OSBPL7: variants seen among roughly 807,000 people sequenced by gnomAD.
The protein encoded by OSBPL7 is oxysterol binding protein like 7.
A neutral mutation model predicts 115.8 loss-of-function variants in OSBPL7; 66 were observed. The observed-to-expected ratio is 0.57, with a 90% CI of 0.47 to 0.70. The LOEUF (loss-of-function observed/expected upper bound fraction) is 0.70, where lower values mean the gene tolerates loss of function less well. Among genes scored for constraint, OSBPL7 ranks in the 30% least tolerant of loss-of-function variants. The pLI, the probability that OSBPL7 is intolerant of heterozygous loss-of-function variation, is 0.00. For missense variants in OSBPL7, 902 were observed against 1,125.5 expected, an observed-to-expected ratio of 0.80 and a Z score of 2.84; for synonymous variants, 441 against 439.2, an observed-to-expected ratio of 1.00 and a Z score of -0.05.
chr17:47,809,418 A>G lies in OSBPL7; in HGVS notation c.1941T>C (p.Gly647=). ...CCCCATAGTGCTCGATCCAGCGCTG[A>G]CCACTCAGGACATTGTGAATGCAGG... ...VTSCIHNVLS[G]QRWIEHYGEV... The change falls in exon 19 of 23, where the codon GGT becomes GGC. Residue 647 remains glycine, a synonymous_variant. Transcript: ENST00000007414. 1 of 1,614,054 alleles carries G rather than the reference A, an allele frequency of 6.2e-7. No homozygotes were observed. The highest frequency in any genetic ancestry group is 8.5e-7 in the Non-Finnish European group (1 of 1,179,940).
chr17:47,808,265 A>C lies in OSBPL7; in HGVS notation c.*26T>G. 1.3e-6 allele frequency: 2 copies of C among 1,547,142 alleles called. No individual in the cohort carries two copies. Among genetic ancestry groups the C allele is most frequent in the Non-Finnish European group, 1.8e-6 (2 of 1,121,598 alleles). On this transcript the variant is annotated 3_prime_UTR_variant, in exon 23 of 23. Transcript: ENST00000007414. This position sits in a 1 kb window ranked among gnomAD's most constrained non-coding sequence, Gnocchi z 6.1. ...GTGGAGGCAGGAGGAGTGAGGAACC[A>C]GAGCCTCCTGCCCCCGGGGCCAGGG...
chr17:47,820,613 C>A (rs2033369174), intron 1 of OSBPL7: 3 of 254,506 alleles, frequency 1.2e-5, no homozygotes, highest in Admixed American at 5.0e-5. Flanking sequence ...ATATGCCCAG[C>A]CCCGCCTTGG....
intron 8 of OSBPL7, 52 bp downstream of exon 8, chr17:47,817,204 G>T: frequency 7.2e-7 from 1 of 1,384,402 alleles, no homozygotes; most frequent in Non-Finnish European, 1.0e-6. Flanking sequence ...TCCTGGGGAA[G>T]TGATGGGATC....
chr17:47,813,793 G>T lies in OSBPL7; in HGVS notation c.1393C>A (p.Arg465Ser). ...GGCCCGCTGGCCGCCGGCAGGCAGCGACGGCGGGGTGGCCCCATGGGTCTC... is the reference window on the plus strand; with the variant it reads ...GGCCCGCTGGCCGCCGGCAGGCAGCTACGGCGGGGTGGCCCCATGGGTCTC... ...PGRPMGPPRR[R>S]CLPAASGPGA... Residue 465 changes from arginine (R) to serine (S), a missense_variant, in exon 15 of 23, where the codon CGC becomes AGC. Physicochemically the swap from Arg to Ser is moderately radical, Grantham distance 110. This residue lies in a region of OSBPL7 where 667 missense variants were observed against 788.7 expected (regional missense o/e 0.85). Transcript: ENST00000007414. The T allele has an allele frequency of 1.2e-6, 2 of 1,612,366 alleles. No homozygotes were observed. The highest frequency in any genetic ancestry group is 1.7e-6 in the Non-Finnish European group (2 of 1,179,746).
In OSBPL7 at chr17:47,818,888, A is replaced by G. The variant is rs1191724616; in HGVS notation, c.369+98T>C. The G allele has an allele frequency of 3.6e-6, 4 of 1,096,948 alleles. No individual in the cohort carries two copies. In the African/African-American group the frequency reaches 6.2e-5, roughly 17 times the overall value. The allele number at this position is 1,096,948 out of a possible 1,614,324, so 68.0% of individuals were successfully genotyped here. A position where few individuals can be genotyped will look rare whatever the true frequency, so the allele number is the denominator to read the frequency against. On this transcript the variant is annotated intron_variant, in intron 5 of 22. Transcript: ENST00000007414. ...TACTTTTTGTCAAACTCAGAGACAG[A>G]CCCTGAGTTCCACAGACCCTCAGCC... is the stretch of plus-strand genomic sequence containing the variant.
At chr17:47,819,653 C>A in intron 4 of OSBPL7, 76 bp downstream of exon 4, 1 of 1,568,188 alleles carries the variant, frequency 6.4e-7, no homozygotes, top group Non-Finnish European at 8.8e-7. Flanking sequence ...CTGGTCGATT[C>A]CAGATACCCC....
Position 47,820,041 on chromosome 17 carries a change from C to T in OSBPL7, c.131G>A (p.Gly44Asp), listed in dbSNP as rs1403277600. The T allele has an allele frequency of 6.2e-7, 1 of 1,612,456 alleles. No individual in the cohort carries two copies. Among genetic ancestry groups the T allele is most frequent in the African/African-American group, 1.3e-5 (1 of 74,972 alleles). Residue 44 changes from glycine (G) to aspartate (D), a missense_variant, in exon 3 of 23, where the codon GGT (glycine) becomes GAT (aspartate). Coordinates refer to ENST00000007414, the MANE Select transcript of OSBPL7 (RefSeq NM_145798.3). ...EEPRVRLGTE[G>D]VMPERQEGHL... ...ACCTTCCTGCCTCTCAGGCATGACA[C>T]CCTCTGTCCCCAGCCTGACCCGAGG...
rs538699577 is a variant in OSBPL7, at chr17:47,810,710, G to A, written c.1802-38C>T. 12 of 1,612,820 alleles carry A rather than the reference G, an allele frequency of 7.4e-6. No homozygotes were observed. The Admixed American group carries it at 1.8e-4, about 25-fold the overall frequency. On this transcript the variant is annotated intron_variant, in intron 17 of 22. Coordinates refer to ENST00000007414, the MANE Select transcript of OSBPL7 (RefSeq NM_145798.3). ...TAGGGGAGGGAGAGTGAACAACAGA[G>A]ATAAGGCCAGAGGGTGTTCCCTTTG...
intron 8 of OSBPL7, 89 bp downstream of exon 8, chr17:47,817,167 G>T: frequency 9.4e-7 from 1 of 1,058,574 alleles, no homozygotes. Flanking sequence ...CCAGGAAACT[G>T]CAGCGATGTA....
chr17:47,809,957 A>G lies in OSBPL7; in HGVS notation c.1881-479T>C, dbSNP rs945375820. Among the ~76,000 whole-genome samples the G allele has an allele frequency of 3.5e-5, 5 of 141,230 alleles. No individual in the cohort carries two copies. The South Asian group carries it at 1.1e-3, about 31-fold the overall frequency. 92.7% of individuals were successfully genotyped at this position (141,230 alleles called of 152,430 possible). Reference sequence around the variant, plus strand: ...CAGAGTCTTGCTCTGTTGCCCAGGCAGGCTGGAGTGCAGTGCAGTGGTGCA... The same window carrying G: ...CAGAGTCTTGCTCTGTTGCCCAGGCGGGCTGGAGTGCAGTGCAGTGGTGCA... On this transcript the variant is annotated intron_variant, in intron 18 of 22. Transcript: ENST00000007414.
At position 47,820,245 on chromosome 17, in the gene OSBPL7, G is replaced by A. The variant is rs200554450; in HGVS notation, c.34C>T (p.Pro12Ser). Residue 12 changes from proline (P) to serine (S), a missense_variant, in exon 2 of 23, where the codon CCT becomes TCT. Pro to Ser is a moderately conservative substitution (Grantham distance 74, BLOSUM62 -1). Coordinates refer to ENST00000007414, the MANE Select transcript of OSBPL7 (RefSeq NM_145798.3). ...DFQERDPPFLPESAQSSKPSS... is the reference protein window; with the variant it reads ...DFQERDPPFLSESAQSSKPSS... ...GGCTTTGAGGACTGAGCGCTCTCAG[G>A]CAGGAAGGGCGGGTCCCTCTCTTGG... 3.1e-6 allele frequency: 5 copies of A among 1,614,034 alleles called. No homozygotes were observed. In the East Asian group the frequency reaches 1.1e-4, roughly 36 times the overall value.
chr17:47,819,918 C>CCGA, intron 3 of OSBPL7, 53 bp downstream of exon 3: 1 of 1,517,048 alleles, frequency 6.6e-7, no homozygotes, highest in Non-Finnish European at 9.1e-7. Context: ...AGCTGCCCCC[C>CCGA]ATTCCCACCC....
chr17:47,819,920 T>TG, intron 3 of OSBPL7, 51 bp downstream of exon 3: 36 of 641,974 alleles, frequency 5.6e-5, no homozygotes, highest in Non-Finnish European at 8.7e-5. Context: ...CTGCCCCCCA[T>TG]TCCCACCCCG....
chr17:47,813,900 A>G lies in OSBPL7; in HGVS notation c.1352-66T>C. ...GGCATCCCAGACATGGCAAGCCCAC[A>G]GCCCAGTCCAGGGCCCAGCTGCCTC... On this transcript the variant is annotated intron_variant, in intron 14 of 22. Coordinates refer to ENST00000007414, the MANE Select transcript of OSBPL7 (RefSeq NM_145798.3). The G allele has an allele frequency of 3.3e-6, 5 of 1,520,338 alleles. No homozygotes were observed. The South Asian group carries it at 3.7e-5, about 11-fold the overall frequency. The allele number at this position is 1,520,338 out of a possible 1,614,324, so 94.2% of individuals were successfully genotyped here. A position where few individuals can be genotyped will look rare whatever the true frequency, so the allele number is the denominator to read the frequency against.
chr17:47,820,975 C>T lies in OSBPL7; in HGVS notation c.-87-610G>A, dbSNP rs545196951. 2.6e-5 allele frequency: 4 copies of T among 152,382 alleles called. No individual in the cohort carries two copies. In the South Asian group the frequency reaches 8.3e-4, roughly 32 times the overall value. 9.4% of individuals were successfully genotyped at this position (152,382 alleles called of 1,614,324 possible). A position where few individuals can be genotyped will look rare whatever the true frequency, so the allele number is the denominator to read the frequency against. Reference sequence around the variant, plus strand: ...GCCCCTAGGATGCCCTTTTTGGACCCTCAGTACCCCCTAAAGCCTCACCAT... The same window carrying T: ...GCCCCTAGGATGCCCTTTTTGGACCTTCAGTACCCCCTAAAGCCTCACCAT... On this transcript the variant is annotated intron_variant, in intron 1 of 22. Coordinates refer to ENST00000007414, the MANE Select transcript of OSBPL7 (RefSeq NM_145798.3).
intron 4 of OSBPL7, 171 bp downstream of exon 4, chr17:47,819,558 G>C: frequency 2.7e-6 from 2 of 745,062 alleles, no homozygotes; most frequent in Non-Finnish European, 4.6e-6. Flanking sequence ...TCTCCCATTA[G>C]AGGTGAGGAA....
Position 47,813,853 on chromosome 17 carries a change from G to A in OSBPL7, c.1352-19C>T, listed in dbSNP as rs775529287. 9 of 1,594,218 alleles carry A rather than the reference G, an allele frequency of 5.6e-6. No individual in the cohort carries two copies. Among genetic ancestry groups the A allele is most frequent in the Middle Eastern group, 1.8e-4 (1 of 5,484 alleles). ...CACCCCCCTGGGGCCGCCCTGCCAT[G>A]TCACTCTCCATCTGGGCACCAGGCA... On this transcript the variant is annotated intron_variant, in intron 14 of 22. Transcript: ENST00000007414.
chr17:47,818,979 A>T lies in OSBPL7; in HGVS notation c.369+7T>A, dbSNP rs2033314681. On this transcript the variant is annotated splice_region_variant and intron_variant, in intron 5 of 22. Transcript: ENST00000007414. ...CCAACACACGTCCTGCCTCCCAGGG[A>T]TGTCACCTTGAGGTGGTAGATGTTG... is the stretch of plus-strand genomic sequence containing the variant. 1 of 1,611,824 alleles carries T rather than the reference A, an allele frequency of 6.2e-7. No homozygotes were observed. The highest frequency in any genetic ancestry group is 1.3e-5 in the African/African-American group (1 of 74,856).
At position 47,808,049 on chromosome 17, in the gene OSBPL7, A is replaced by T; in HGVS notation, c.*242T>A. The T allele has an allele frequency of 1.8e-6, 1 of 562,724 alleles. No individual in the cohort carries two copies. 34.9% of individuals were successfully genotyped at this position (562,724 alleles called of 1,614,324 possible). ...AATGGTGAAGCGGGAAGGGTCTTACATGCTGGTTGTCTGGGGCAAGGAGAC... is the reference window on the plus strand; with the variant it reads ...AATGGTGAAGCGGGAAGGGTCTTACTTGCTGGTTGTCTGGGGCAAGGAGAC... On this transcript the variant is annotated 3_prime_UTR_variant, in exon 23 of 23. Coordinates refer to ENST00000007414, the MANE Select transcript of OSBPL7 (RefSeq NM_145798.3). The surrounding 1 kb of genome is among the most constrained non-coding windows in gnomAD (Gnocchi z 6.1).
Sources: gnomAD v4.1 joint callset for allele counts (sites outside exome capture counted in the v4.1 genomes callset) on GRCh38, gnomAD v4.1.1 for gene constraint, gnomAD v4.1.1 regional missense constraint, Gnocchi (gnomAD v3.1) non-coding constraint, MANE v1.5 for transcripts, NCBI Gene and HGNC (gene_info 2026-07-23, HGNC 2026-07-21) for gene names.